EXO1: variants seen among roughly 807,000 people sequenced by gnomAD.
The protein encoded by EXO1 is exonuclease 1.
Under a neutral mutation model 84.5 loss-of-function variants are expected in EXO1, and 69 were observed. The ratio of observed to expected loss-of-function variants is 0.82; its 90% CI spans 0.67 to 1.00. The LOEUF (loss-of-function observed/expected upper bound fraction) is 1.00. EXO1 is among the 50% of genes least tolerant of loss of function. EXO1 has a pLI of 0.00. For missense variants in EXO1, 1,045 were observed against 1,000.7 expected (o/e 1.04, Z -0.60); for synonymous variants, 373 against 366.1 (o/e 1.02, Z -0.21).
In EXO1 at chr1:241,882,597, GT is replaced by G. The variant is rs375020313; in HGVS notation, c.2211+582del. Among the ~76,000 whole-genome samples, 18 of 152,194 alleles carry G rather than the reference GT, an allele frequency of 1.2e-4. No homozygotes were observed. In the East Asian group the frequency reaches 2.9e-3, roughly 24 times the overall value. On this transcript the variant is annotated intron_variant, in intron 14 of 15. Transcript: ENST00000366548. ...TTAAAGCATATTTTATATATTAAATGTTCTTGTTCATCAGTATAAAAACACC... is the reference window on the plus strand; with the variant it reads ...TTAAAGCATATTTTATATATTAAATGTCTTGTTCATCAGTATAAAAACACC...
At chr1:241,858,783 CATA>C in intron 8 of EXO1, 65 bp downstream of exon 8, 1 of 1,040,942 alleles carries the variant, frequency 9.6e-7, no homozygotes, top group Admixed American at 1.8e-5. Context: ...AATAATAAAT[CATA>C]ATATGGATTT....
intron 6 of EXO1, among the ~76,000 whole-genome samples, chr1:241,856,897 G>A (rs1231862981): frequency 6.6e-6 from 1 of 152,096 alleles, no homozygotes; most frequent in Non-Finnish European, 1.5e-5. Flanking sequence ...GTTGGGCATG[G>A]TGGCATGCAC....
chr1:241,858,744 A>G (rs760333753), intron 8 of EXO1, 26 bp downstream of exon 8: 6 of 1,411,414 alleles, frequency 4.3e-6, no homozygotes, highest in African/African-American at 1.4e-5. Flanking sequence ...TAAGTGTCAT[A>G]TTCAATTTCT....
chr1:241,856,253 T>C (rs1661028427), intron 6 of EXO1, among the ~76,000 whole-genome samples: 1 of 119,800 alleles, frequency 8.3e-6, no homozygotes, highest in African/African-American at 3.4e-5. Flanking sequence ...TCCTCTTTTT[T>C]TCTTTTTTTC....
chr1:241,853,141 G>A (rs573565126), intron 5 of EXO1, among the ~76,000 whole-genome samples: 1 of 152,246 alleles, frequency 6.6e-6, no homozygotes, highest in South Asian at 2.1e-4. Context: ...AATCTTGTGT[G>A]TGTGTGTGTG....
At chr1:241,866,785 A>G (rs745556629) in intron 10 of EXO1, 45 bp from the exon 11 acceptor site, 22 of 1,349,422 alleles carry the variant, frequency 1.6e-5, no homozygotes, top group Non-Finnish European at 2.0e-5. Flanking sequence ...AAATAAATTG[A>G]TTATTTTCTT....
intron 6 of EXO1, among the ~76,000 whole-genome samples, chr1:241,855,535 C>T (rs893633837): frequency 6.6e-6 from 1 of 152,224 alleles, no homozygotes; most frequent in Non-Finnish European, 1.5e-5. Context: ...GGATCCCGCA[C>T]GGGGCTGCAG....
At chr1:241,887,369 A>G (rs1315232447) in intron 15 of EXO1, among the ~76,000 whole-genome samples, 1 of 152,188 alleles carries the variant, frequency 6.6e-6, no homozygotes, top group Non-Finnish European at 1.5e-5. Context: ...CTTTTAATGC[A>G]TCTTTTACAT....
At chr1:241,849,637 G>T (rs1660541111) in intron 3 of EXO1, among the ~76,000 whole-genome samples, 1 of 152,148 alleles carries the variant, frequency 6.6e-6, no homozygotes, top group African/African-American at 2.4e-5. Flanking sequence ...GATCATTTCT[G>T]TAATTCTTTT....
chr1:241,888,305 T>C (rs1481214632), intron 15 of EXO1, among the ~76,000 whole-genome samples: 1 of 152,200 alleles, frequency 6.6e-6, no homozygotes, highest in Admixed American at 6.5e-5. Flanking sequence ...ATTAATGATT[T>C]GTACTGCTTC....
chr1:241,860,803 A>C (rs1661339454), intron 9 of EXO1, 99 bp downstream of exon 9: 2 of 940,266 alleles, frequency 2.1e-6, no homozygotes, highest in Non-Finnish European at 3.4e-6. Context: ...CTTGCACATT[A>C]TTTTTTGCTC....
At chr1:241,865,141 G>T (rs1272582811) in intron 10 of EXO1, among the ~76,000 whole-genome samples, 1 of 149,612 alleles carries the variant, frequency 6.7e-6, no homozygotes, top group African/African-American at 2.5e-5. Flanking sequence ...AACTTCTGAG[G>T]TTACACATGT....
At chr1:241,881,833 T>C (rs938654647) in intron 13 of EXO1, 83 bp from the exon 14 acceptor site, 2 of 687,948 alleles carry the variant, frequency 2.9e-6, no homozygotes, top group Admixed American at 4.8e-5. Context: ...TTATCTTCCA[T>C]TTTGTTGAAT....
Position 241,889,820 on chromosome 1 carries a change from C to T in EXO1, c.*220C>T. ...GCTAAATAGAAGAATAATTGTATCT[C>T]TGACAGGTTTTTGGAGGTTTTAGTG... On this transcript the variant is annotated 3_prime_UTR_variant, in exon 16 of 16. Transcript: ENST00000366548. The T allele has an allele frequency of 1.8e-6, 1 of 540,732 alleles. No individual in the cohort carries two copies. 33.5% of individuals were successfully genotyped at this position (540,732 alleles called of 1,614,324 possible).
rs533849413 is a variant in EXO1, at chr1:241,862,801, G to A, written c.1041+1299G>A. On this transcript the variant is annotated intron_variant, in intron 10 of 15. Coordinates refer to ENST00000366548, the MANE Select transcript of EXO1 (RefSeq NM_130398.4). ...TTGCTACATCCTCTTGCCTCTTTGA[G>A]TTGTCCTTCTGGTTAACATTTTCTT... Among the ~76,000 whole-genome samples, 4 of 152,304 alleles carry A rather than the reference G, an allele frequency of 2.6e-5. No individual in the cohort carries two copies. The South Asian group carries it at 8.3e-4, about 32-fold the overall frequency.
chr1:241,863,797 A>G, intron 10 of EXO1, among the ~76,000 whole-genome samples: 1 of 152,246 alleles, frequency 6.6e-6, no homozygotes, highest in South Asian at 2.1e-4. Context: ...TTAAAATTAA[A>G]TACAATTGCT....
rs4150003 is a variant in EXO1 at position 241,885,682 on chromosome 1, A to G, written c.2405+175A>G. ...CTTTATACTTAATATCAATTTCTAT[A>G]CCTTCTTTTCATAAAAAGATGGCAA... On this transcript the variant is annotated intron_variant, in intron 15 of 15. Transcript: ENST00000366548. The G allele has an allele frequency of 1.7e-3, 1,063 of 631,626 alleles. 9 individuals carry two copies. Among genetic ancestry groups the G allele is most frequent in the Middle Eastern group, 0.011 (25 of 2,190 alleles). 39.1% of individuals were successfully genotyped at this position (631,626 alleles called of 1,614,324 possible). A position where few individuals can be genotyped will look rare whatever the true frequency, so the allele number is the denominator to read the frequency against.
chr1:241,864,866 ATTTCTTTC>A (rs1210417007), intron 10 of EXO1, among the ~76,000 whole-genome samples: 9 of 147,464 alleles, frequency 6.1e-5, no homozygotes, highest in African/African-American at 2.2e-4. Context: ...AGTATTTATC[ATTTCTTTC>A]TTTCTTTTTT....
chr1:241,873,571 G>A (rs941671048), intron 12 of EXO1, among the ~76,000 whole-genome samples: 1 of 151,978 alleles, frequency 6.6e-6, no homozygotes, highest in Non-Finnish European at 1.5e-5. Flanking sequence ...ATATTCTAAT[G>A]TAGATGACTG....
Sources: gnomAD v4.1 joint callset for allele counts (sites outside exome capture counted in the v4.1 genomes callset) on GRCh38, gnomAD v4.1.1 for gene constraint, MANE v1.5 for transcripts, NCBI Gene and HGNC (gene_info 2026-07-23, HGNC 2026-07-21) for gene names.